DEPDC4: variants seen among roughly 807,000 people sequenced by gnomAD.
DEPDC4 encodes the protein DEP domain-containing protein 4.
In DEPDC4, 52 loss-of-function variants were observed where a neutral mutation model predicts 52.0. That is an observed-to-expected ratio of 1.00 (90% CI 0.80 to 1.26). DEPDC4 has a LOEUF of 1.26. DEPDC4 is among the 50% of genes most tolerant of loss of function. The pLI is 0.00. For synonymous variants in DEPDC4, 201 were observed against 196.8 expected (o/e 1.02, Z -0.18); for missense variants, 530 against 546.9 (o/e 0.97, Z 0.31).
intron 9 of DEPDC4, 107 bp from the exon 10 acceptor site, chr12:100,241,952 C>T: frequency 1.6e-6 from 1 of 629,018 alleles, no homozygotes; most frequent in Middle Eastern, 6.0e-4. Flanking sequence ...CGGTATGTTA[C>T]CTATGCCTAG....
At position 100,266,935 on chromosome 12, in the gene DEPDC4, G is replaced by A. The variant is rs1194793530; in HGVS notation, c.142C>T (p.Arg48Trp). Residue 48 changes from arginine (R) to tryptophan (W), a missense_variant, in exon 1 of 10, where the codon CGG becomes TGG. Arg to Trp is a moderately radical substitution (Grantham distance 101). Transcript: ENST00000550587. ...SSRNRRDGFC[R>W]KRRTGCSGPF... ...ACAGGGCTACCTGTCCTCCTTTTCCGGCAGAAGCCATCTCTACGGTTCCTG... is the reference window on the plus strand; with the variant it reads ...ACAGGGCTACCTGTCCTCCTTTTCCAGCAGAAGCCATCTCTACGGTTCCTG... 1 of 1,613,412 alleles carries A rather than the reference G, an allele frequency of 6.2e-7. No individual in the cohort carries two copies. Among genetic ancestry groups the A allele is most frequent in the Admixed American group, 1.7e-5 (1 of 59,896 alleles).
At chr12:100,246,594 A>C (rs2096186473) in intron 8 of DEPDC4, among the ~76,000 whole-genome samples, 1 of 152,204 alleles carries the variant, frequency 6.6e-6, no homozygotes, top group Non-Finnish European at 1.5e-5. Context: ...GAATAGATGG[A>C]CAGACAAATC....
At chr12:100,237,286 C>T (rs571883537), downstream of DEPDC4, among the ~76,000 whole-genome samples, 31 of 151,784 alleles carry the variant, frequency 2.0e-4, no homozygotes, top group South Asian at 6.4e-3. Context: ...CGGCTCACCG[C>T]AACCTCCACC....
downstream of DEPDC4, among the ~76,000 whole-genome samples, chr12:100,235,301 G>A (rs1228157905): frequency 4.7e-5 from 7 of 149,464 alleles, no homozygotes; most frequent in East Asian, 7.8e-4. Flanking sequence ...AGGTCAAATC[G>A]TAAATCCAGG....
chr12:100,269,830 T>C (rs1394386007), upstream of DEPDC4, among the ~76,000 whole-genome samples: 1 of 152,166 alleles, frequency 6.6e-6, no homozygotes, highest in Non-Finnish European at 1.5e-5. Context: ...CCTTTATAGG[T>C]TCCGATTCCA....
chr12:100,251,616 G>A (rs1355146817), intron 7 of DEPDC4, among the ~76,000 whole-genome samples: 1 of 151,738 alleles, frequency 6.6e-6, no homozygotes. Context: ...TGCCCAGGCT[G>A]GGGTGCAGTG....
chr12:100,250,156 T>C (rs1249024902), intron 7 of DEPDC4, among the ~76,000 whole-genome samples: 1 of 152,150 alleles, frequency 6.6e-6, no homozygotes, highest in Non-Finnish European at 1.5e-5. Flanking sequence ...ATATCCCCAC[T>C]TCCTCCAGCC....
At chr12:100,262,771 T>C (rs1206865620) in intron 2 of DEPDC4, among the ~76,000 whole-genome samples, 1 of 152,184 alleles carries the variant, frequency 6.6e-6, no homozygotes, top group East Asian at 1.9e-4. Context: ...TTTTTCCTGG[T>C]ATAAACTCTG....
chr12:100,259,104 C>A (rs919468672), intron 3 of DEPDC4, among the ~76,000 whole-genome samples: 4 of 143,606 alleles, frequency 2.8e-5, no homozygotes, highest in African/African-American at 1.0e-4. Flanking sequence ...ATCCCATGTA[C>A]CCTTTGTCAG....
At chr12:100,234,792 T>A (rs2096138937) in intron 9 of DEPDC4, among the ~76,000 whole-genome samples, 1 of 152,222 alleles carries the variant, frequency 6.6e-6, no homozygotes, top group South Asian at 2.1e-4. Flanking sequence ...AAAAAATGCT[T>A]TACACGTAAG....
intron 3 of DEPDC4, 90 bp from the exon 4 acceptor site, chr12:100,256,316 T>C (rs2096232344): frequency 5.2e-6 from 5 of 961,788 alleles, no homozygotes; most frequent in Non-Finnish European, 7.5e-6. Flanking sequence ...TTCTAAATAA[T>C]ACAAAAGTAA....
At chr12:100,277,221 A>T in the DEPDC4 span, among the ~76,000 whole-genome samples, 2 of 152,238 alleles carry the variant, frequency 1.3e-5, no homozygotes, top group East Asian at 1.9e-4. Context: ...TGAATGTTAC[A>T]TGTCTGCATG....
chr12:100,249,102 T>C (rs1190466017), intron 7 of DEPDC4, 124 bp from the exon 8 acceptor site: 1 of 213,642 alleles, frequency 4.7e-6, no homozygotes, highest in Non-Finnish European at 8.1e-6. Flanking sequence ...TGTAGATGAG[T>C]GGAAAGGGTG....
chr12:100,237,173 T>C (rs2096142517), downstream of DEPDC4, among the ~76,000 whole-genome samples: 1 of 151,872 alleles, frequency 6.6e-6, no homozygotes, highest in South Asian at 2.1e-4. Context: ...CAGGCTCTTT[T>C]TTCTTTCCAT....
chr12:100,270,333 G>A (rs565820288), upstream of DEPDC4, among the ~76,000 whole-genome samples: 13 of 152,188 alleles, frequency 8.5e-5, no homozygotes, highest in African/African-American at 2.9e-4. Context: ...AGACTTTAAG[G>A]AAGTGATCAT....
At chr12:100,270,028 C>G (rs1266298037), upstream of DEPDC4, among the ~76,000 whole-genome samples, 1 of 151,418 alleles carries the variant, frequency 6.6e-6, no homozygotes, top group Non-Finnish European at 1.5e-5. Flanking sequence ...ACTCTGTCAC[C>G]CAGGCTGGAG....
At chr12:100,244,124 T>A (rs1459668169) in intron 8 of DEPDC4, among the ~76,000 whole-genome samples, 1 of 108,478 alleles carries the variant, frequency 9.2e-6, no homozygotes, top group African/African-American at 4.4e-5. Context: ...TATATATATA[T>A]ATATATATAT....
intron 5 of DEPDC4, 59 bp downstream of exon 5, chr12:100,253,430 T>C (rs1393632384): frequency 1.4e-6 from 1 of 701,372 alleles, no homozygotes; most frequent in Non-Finnish European, 2.1e-6. Context: ...CTATTTCAAC[T>C]TGTATATTTT....
chr12:100,267,223 C>A, upstream of DEPDC4: 1 of 832,904 alleles, frequency 1.2e-6, no homozygotes, highest in Non-Finnish European at 1.8e-6. Context: ...CCCTCCCCTC[C>A]CCACCCCTTT....
Sources: allele counts gnomAD v4.1 joint callset (sites outside exome capture counted in the v4.1 genomes callset), GRCh38; gene constraint gnomAD v4.1.1; transcripts MANE v1.5; gene names NCBI Gene and HGNC (gene_info 2026-07-23, HGNC 2026-07-21).